Variants in C1orf198 observed in about 807,000 individuals in gnomAD.
C1orf198 encodes uncharacterized protein C1orf198.
C1orf198 carries 17 observed loss-of-function variants against 31.4 expected under a neutral mutation model. That is an observed-to-expected ratio of 0.54 (90% confidence interval 0.37 to 0.81). C1orf198 has a LOEUF of 0.81. Among genes scored for constraint, C1orf198 ranks in the 40% least tolerant of loss-of-function variants. The pLI, the probability that C1orf198 is intolerant of heterozygous loss-of-function variation, is 0.00. For synonymous variants in C1orf198, 175 were observed against 193.8 expected, an observed-to-expected ratio of 0.90 and a Z score of 0.81; for missense variants, 401 against 450.3, an observed-to-expected ratio of 0.89 and a Z score of 0.99.
chr1:230,851,723 C>T (rs6695060), intron 2 of C1orf198, among the ~76,000 whole-genome samples: 7 of 152,068 alleles, frequency 4.6e-5, no homozygotes, highest in African/African-American at 9.7e-5. Context: ...ACCACAGCCA[C>T]GATCAGCCTC....
chr1:230,868,266 G>T lies in C1orf198; in HGVS notation c.247C>A (p.Arg83=). Residue 83 remains arginine (R), a synonymous_variant, in exon 1 of 4, where the codon CGA becomes AGA. Coordinates refer to ENST00000366663, the MANE Select transcript of C1orf198 (RefSeq NM_032800.3). ...AGCTCCTCCGAGTCCCCGGGGTCTC[G>T]GGGCGCCGGGGCGCGCGGCCCCACC... The part of the protein sequence containing the change: ...CLVGPRAPAP[R]DPGDSEELTR... The T allele has an allele frequency of 6.3e-7, 1 of 1,579,462 alleles. No homozygotes were observed. The highest frequency in any genetic ancestry group is 1.1e-5 in the South Asian group (1 of 87,808).
chr1:230,842,791 T>G (rs1669478362), intron 3 of C1orf198, among the ~76,000 whole-genome samples: 1 of 150,446 alleles, frequency 6.6e-6, no homozygotes, highest in African/African-American at 2.4e-5. Context: ...CCAAGGAGTC[T>G]CAAGGGCCAG....
chr1:230,855,940 C>A (rs1669859630), intron 1 of C1orf198: 1 of 1,330,042 alleles, frequency 7.5e-7, no homozygotes, highest in South Asian at 2.3e-5. Flanking sequence ...CCCTCCCCAG[C>A]CAAACAGACA....
In C1orf198 at chr1:230,855,703, C is replaced by T; in HGVS notation, c.349G>A (p.Asp117Asn). Residue 117 changes from aspartate (D) to asparagine (N), a missense_variant, in exon 2 of 4, where the codon GAT (aspartate) becomes AAT (asparagine). Coordinates refer to ENST00000366663, the MANE Select transcript of C1orf198 (RefSeq NM_032800.3). ...RFGDEDLTWQDEHSAPFSWET... is the reference protein window; with the variant it reads ...RFGDEDLTWQNEHSAPFSWET... Reference sequence around the variant, plus strand: ...CAGGAGAAAGGGGCAGAGTGCTCATCTTGCCAAGTTAGATCCTGAAATAAA... The same window carrying T: ...CAGGAGAAAGGGGCAGAGTGCTCATTTTGCCAAGTTAGATCCTGAAATAAA... 6.2e-7 allele frequency: 1 copy of T among 1,613,420 alleles called. No homozygotes were observed. The highest frequency in any genetic ancestry group is 8.5e-7 in the Non-Finnish European group (1 of 1,179,596).
chr1:230,848,539 G>A (rs1342567976), intron 2 of C1orf198, among the ~76,000 whole-genome samples: 2 of 152,130 alleles, frequency 1.3e-5, no homozygotes, highest in Non-Finnish European at 2.9e-5. Flanking sequence ...AGCTATAAGA[G>A]AGGATGTAAA....
intron 2 of C1orf198, among the ~76,000 whole-genome samples, chr1:230,849,869 G>A (rs1464859864): frequency 2.0e-5 from 3 of 152,208 alleles, no homozygotes; most frequent in African/African-American, 7.2e-5. Flanking sequence ...AGGAAGATGA[G>A]CAGGAGGATA....
rs983823369 is a variant in C1orf198, at chr1:230,857,832, A to T, written c.334-2114T>A. Among the ~76,000 whole-genome samples, 12 of 152,166 alleles carry T rather than the reference A, an allele frequency of 7.9e-5. No individual in the cohort carries two copies. Among genetic ancestry groups the T allele is most frequent in the African/African-American group, 2.9e-4 (12 of 41,420 alleles). On this transcript the variant is annotated intron_variant, in intron 1 of 3. Coordinates refer to ENST00000366663, the MANE Select transcript of C1orf198 (RefSeq NM_032800.3). The surrounding 1 kb of genome is among the most constrained non-coding windows in gnomAD (Gnocchi z 4.2). Reference sequence around the variant, plus strand: ...GGTTAAGCTGCATTAAAGTGTATCAAACAGTCAGTTCTGAGAACCACATAG... The same window carrying T: ...GGTTAAGCTGCATTAAAGTGTATCATACAGTCAGTTCTGAGAACCACATAG...
intron 1 of C1orf198, chr1:230,856,022 T>G: frequency 8.7e-7 from 1 of 1,144,970 alleles, no homozygotes; most frequent in Non-Finnish European, 1.1e-6. Context: ...GAGGGCTTGA[T>G]GGTCTCAGCA....
intron 3 of C1orf198, among the ~76,000 whole-genome samples, chr1:230,842,653 G>A (rs1308837832): frequency 3.3e-5 from 5 of 152,012 alleles, no homozygotes; most frequent in Non-Finnish European, 7.4e-5. Flanking sequence ...CACTGCTCGG[G>A]TGATGGGTGC....
chr1:230,853,513 G>T lies in C1orf198; in HGVS notation c.384+2155C>A, dbSNP rs962256511. On this transcript the variant is annotated intron_variant, in intron 2 of 3. Transcript: ENST00000366663. Reference sequence around the variant, plus strand: ...TTAAAACTCGGCACTGCCTAGTGAAGAAGGAGGAAGGGACAGCTCCCTTGC... The same window carrying T: ...TTAAAACTCGGCACTGCCTAGTGAATAAGGAGGAAGGGACAGCTCCCTTGC... 3.3e-5 allele frequency among the ~76,000 whole-genome samples: 5 copies of T among 152,256 alleles called. No individual in the cohort carries two copies. The East Asian group carries it at 9.7e-4, about 30-fold the overall frequency.
intron 2 of C1orf198, among the ~76,000 whole-genome samples, chr1:230,845,737 A>G (rs1287474479): frequency 6.6e-6 from 1 of 152,178 alleles, no homozygotes; most frequent in Non-Finnish European, 1.5e-5. Context: ...AAATAAATAA[A>G]TAAAAGTAAT....
Position 230,857,702 on chromosome 1 carries a change from T to A in C1orf198, c.334-1984A>T, listed in dbSNP as rs1442918728. ...GTCTTTATTTTCCCAGGACAGCATA[T>A]AAAAGGACTAAATATATTTATATCA... On this transcript the variant is annotated intron_variant, in intron 1 of 3. Coordinates refer to ENST00000366663, the MANE Select transcript of C1orf198 (RefSeq NM_032800.3). This position sits in a 1 kb window ranked among gnomAD's most constrained non-coding sequence, Gnocchi z 4.2. Among the ~76,000 whole-genome samples the A allele has an allele frequency of 6.6e-6, 1 of 151,946 alleles. No individual in the cohort carries two copies. The highest frequency in any genetic ancestry group is 1.5e-5 in the Non-Finnish European group (1 of 68,012).
At chr1:230,852,207 G>C (rs1669764935) in intron 2 of C1orf198, among the ~76,000 whole-genome samples, 1 of 152,208 alleles carries the variant, frequency 6.6e-6, no homozygotes, top group Admixed American at 6.5e-5. Context: ...TGTGCTGAGT[G>C]AGATTTGCCA....
chr1:230,865,232 C>G (rs1484907129), intron 1 of C1orf198, among the ~76,000 whole-genome samples: 3 of 152,172 alleles, frequency 2.0e-5, no homozygotes, highest in Non-Finnish European at 2.9e-5. Flanking sequence ...ATGGCCAGGA[C>G]AAGAATCCAG....
intron 2 of C1orf198, among the ~76,000 whole-genome samples, chr1:230,845,841 ATTTC>A: frequency 6.6e-6 from 1 of 152,256 alleles, no homozygotes; most frequent in East Asian, 1.9e-4. Context: ...GCTTTTTGTT[ATTTC>A]TATGTAACCA....
intron 2 of C1orf198, among the ~76,000 whole-genome samples, chr1:230,849,647 T>A (rs1669689808): frequency 6.6e-6 from 1 of 152,182 alleles, no homozygotes; most frequent in Non-Finnish European, 1.5e-5. Context: ...TCCCACTCAC[T>A]GAAGAGGAAT....
At chr1:230,861,403 C>CA (rs1163007890) in intron 1 of C1orf198, among the ~76,000 whole-genome samples, 3 of 152,026 alleles carry the variant, frequency 2.0e-5, no homozygotes, top group Admixed American at 1.3e-4. Flanking sequence ...GTGCCCCCCC[C>CA]AAAAAAAGTA....
chr1:230,839,939 A>G, intron 3 of C1orf198, 31 bp from the exon 4 acceptor site: 1 of 1,576,712 alleles, frequency 6.3e-7, no homozygotes, highest in Non-Finnish European at 8.6e-7. Flanking sequence ...TGGAAGTAAG[A>G]CGAGCCTCTT....
chr1:230,839,861 G>C lies in C1orf198; in HGVS notation c.975C>G (p.Asp325Glu), dbSNP rs1223974765. ...VVLKTGFDFLDNW is the reference protein window; with the variant it reads ...VVLKTGFDFLENW ...ATTTTTCTAATACATTTTACCAATT[G>C]TCCAGAAAATCAAATCCCGTCTTCA... The change falls in exon 4 of 4, where the codon GAC (aspartate) becomes GAG (glutamate). Residue 325 changes from aspartate to glutamate, a missense_variant. By Grantham distance (45) the Asp-to-Glu change is conservative. Transcript: ENST00000366663. 5.0e-6 allele frequency: 8 copies of C among 1,610,510 alleles called. No individual in the cohort carries two copies. Among genetic ancestry groups the C allele is most frequent in the South Asian group, 1.1e-5 (1 of 89,912 alleles).
Sources: gnomAD v4.1 joint callset for allele counts (sites outside exome capture counted in the v4.1 genomes callset) on GRCh38, gnomAD v4.1.1 for gene constraint, Gnocchi (gnomAD v3.1) non-coding constraint, MANE v1.5 for transcripts, NCBI Gene and HGNC (gene_info 2026-07-23, HGNC 2026-07-21) for gene names.